SLC34A2: variants seen among roughly 807,000 people sequenced by gnomAD.
SLC34A2 encodes the protein sodium-dependent phosphate transport protein 2B.
A neutral mutation model predicts 50.8 loss-of-function variants in SLC34A2; 41 were observed. The observed-to-expected ratio is 0.81, with a 90% CI of 0.63 to 1.05. The LOEUF (loss-of-function observed/expected upper bound fraction) is 1.05, where lower values mean the gene tolerates loss of function less well. Among genes scored for constraint, SLC34A2 ranks in the 50% least tolerant of loss-of-function variants. The pLI is 0.00. For missense variants in SLC34A2, 879 were observed against 876.7 expected, an observed-to-expected ratio of 1.00 and a Z score of -0.03; for synonymous variants, 401 against 364.2, an observed-to-expected ratio of 1.10 and a Z score of -1.15.
rs1395053388 is a variant in SLC34A2 at position 25,676,729 on chromosome 4, AC to A, written c.2055del (p.Glu686AsnfsTer45). Reference sequence around the variant, plus strand: ...TGAGGTCCCTGCCTCGGACTCAAAGACCGAATGCACGGCCTTGTAGGGGACG... The same window carrying A: ...TGAGGTCCCTGCCTCGGACTCAAAGACGAATGCACGGCCTTGTAGGGGACG... ...QGEVPASDSKTECTAL is the reference protein window; with the variant it reads ...QGEVPASDSKXECTAL On this transcript the variant is annotated frameshift_variant, in exon 13 of 13. Transcript: ENST00000382051. LOFTEE classifies it high-confidence loss of function. 1 of 1,614,014 alleles carries A rather than the reference AC, an allele frequency of 6.2e-7. No homozygotes were observed. The highest frequency in any genetic ancestry group is 1.7e-5 in the Admixed American group (1 of 60,012).
intron 8 of SLC34A2, among the ~76,000 whole-genome samples, 197 bp downstream of exon 8, chr4:25,671,030 G>A (rs1181578993): frequency 2.6e-5 from 4 of 152,160 alleles, no homozygotes; most frequent in African/African-American, 9.7e-5. Flanking sequence ...TAAACAGTAG[G>A]ACAGACAGAC....
rs778542996 is a variant in SLC34A2 at position 25,667,928 on chromosome 4, G to A, written c.572G>A (p.Gly191Glu). Residue 191 changes from glycine to glutamate, a missense_variant, in exon 6 of 13, where the codon GGA (glycine) becomes GAA (glutamate). Coordinates refer to ENST00000382051, the MANE Select transcript of SLC34A2 (RefSeq NM_006424.3). ...CCCATTATCATGGGGGCCAACATTGGAACGTCAATCACCAACACTATTGTT... is the reference window on the plus strand; with the variant it reads ...CCCATTATCATGGGGGCCAACATTGAAACGTCAATCACCAACACTATTGTT... The part of the protein sequence containing the change: ...AIPIIMGANI[G>E]TSITNTIVAL... 3 of 1,614,076 alleles carry A rather than the reference G, an allele frequency of 1.9e-6. No individual in the cohort carries two copies. Among genetic ancestry groups the A allele is most frequent in the East Asian group, 2.2e-5 (1 of 44,886 alleles).
chr4:25,671,250 A>T (rs1345004695), intron 8 of SLC34A2, among the ~76,000 whole-genome samples: 1 of 152,138 alleles, frequency 6.6e-6, no homozygotes, highest in Non-Finnish European at 1.5e-5. Context: ...GGCCCAGAGC[A>T]TTCATGCCCT....
chr4:25,670,745 A>T lies in SLC34A2; in HGVS notation c.839A>T (p.Lys280Ile), dbSNP rs982150295. ...TGTCTACTGTTTCCACAGCTGGATAAAAAAGTTATCAGCCAAATTGCAATG... is the reference window on the plus strand; with the variant it reads ...TGTCTACTGTTTCCACAGCTGGATATAAAAGTTATCAGCCAAATTGCAATG... The part of the protein sequence containing the change: ...PFTKLIVQLD[K>I]KVISQIAMND... The change falls in exon 8 of 13, where the codon AAA (lysine) becomes ATA (isoleucine). Residue 280 changes from lysine to isoleucine, a missense_variant. Transcript: ENST00000382051. 5 of 1,613,604 alleles carry T rather than the reference A, an allele frequency of 3.1e-6. No homozygotes were observed. Among genetic ancestry groups the T allele is most frequent in the Non-Finnish European group, 4.2e-6 (5 of 1,179,540 alleles).
intron 9 of SLC34A2, 58 bp downstream of exon 9, chr4:25,671,779 TTATC>T: frequency 6.2e-7 from 1 of 1,612,960 alleles, no homozygotes; most frequent in Non-Finnish European, 8.5e-7. Context: ...GGTGACCTAT[TTATC>T]CGTGTGAAGT....
At chr4:25,667,251 C>G (rs1468519922) in intron 5 of SLC34A2, 1 of 154,276 alleles carries the variant, frequency 6.5e-6, no homozygotes, top group South Asian at 2.0e-4. Context: ...GTGGCTCACG[C>G]CTATAATCCC....
rs545884335 is a variant in SLC34A2 at position 25,667,781 on chromosome 4, G to A, written c.524-99G>A. The A allele has an allele frequency of 6.2e-5, 48 of 776,410 alleles. No individual in the cohort carries two copies. The African/African-American group carries it at 7.8e-4, about 13-fold the overall frequency. The allele number at this position is 776,410 out of a possible 1,614,324, so 48.1% of individuals were successfully genotyped here. On this transcript the variant is annotated intron_variant, in intron 5 of 12. Transcript: ENST00000382051. The stretch of plus-strand genomic sequence containing the variant: ...AGTTTAAGAATTCACTTGCATAGAG[G>A]ATAAAAACTACTTCTTTAGAGGATA...
rs939657012 is a variant in SLC34A2 at position 25,670,896 on chromosome 4, A to G, written c.927+63A>G. The G allele has an allele frequency of 1.7e-4, 228 of 1,327,570 alleles. No individual in the cohort carries two copies. The African/African-American group carries it at 2.3e-3, about 13-fold the overall frequency. The allele number at this position is 1,327,570 out of a possible 1,614,324, so 82.2% of individuals were successfully genotyped here. A position where few individuals can be genotyped will look rare whatever the true frequency, so the allele number is the denominator to read the frequency against. On this transcript the variant is annotated intron_variant, in intron 8 of 12. Transcript: ENST00000382051. Reference sequence around the variant, plus strand: ...CCTTTGCATCTGAACATGAAACTAAATCTTGCCTTCAAGGAAGGTAAATAG... The same window carrying G: ...CCTTTGCATCTGAACATGAAACTAAGTCTTGCCTTCAAGGAAGGTAAATAG...
Position 25,670,816 on chromosome 4 carries a change from A to T in SLC34A2, c.910A>T (p.Lys304Ter), listed in dbSNP as rs1197446411. The change falls in exon 8 of 13, where the codon AAA becomes TAA. Residue 304 changes from lysine (K) to a stop codon, truncating the protein, a stop_gained. Transcript: ENST00000382051. LOFTEE classifies it high-confidence loss of function. ...CAAGAGTCTTGTCAAGATTTGGTGCAAAACTTTTACCAACAAGGTACGTTT... is the reference window on the plus strand; with the variant it reads ...CAAGAGTCTTGTCAAGATTTGGTGCTAAACTTTTACCAACAAGGTACGTTT... ...KNKSLVKIWC[K>*]TFTNKTQINV... 1.2e-6 allele frequency: 2 copies of T among 1,613,806 alleles called. No individual in the cohort carries two copies. The highest frequency in any genetic ancestry group is 4.5e-5 in the East Asian group (2 of 44,890).
intron 5 of SLC34A2, 70 bp downstream of exon 5, chr4:25,666,341 C>A (rs139644852): frequency 6.4e-7 from 1 of 1,564,200 alleles, no homozygotes; most frequent in Non-Finnish European, 8.7e-7. Context: ...GTGGGAAGGA[C>A]GGGGGAGGAA....
chr4:25,658,357 C>T (rs115509346), intron 1 of SLC34A2, among the ~76,000 whole-genome samples: 3,221 of 152,310 alleles, frequency 0.021, 74 homozygotes, highest in Middle Eastern at 0.065. Context: ...TGTCCATGTT[C>T]TGGTTCCTCA....
chr4:25,668,961 G>T (rs200855282), intron 6 of SLC34A2, among the ~76,000 whole-genome samples: 1 of 147,362 alleles, frequency 6.8e-6, no homozygotes, highest in African/African-American at 2.5e-5. Context: ...CCAGAACAGA[G>T]TTTTTTAAAT....
Position 25,665,099 on chromosome 4 carries a change from T to A in SLC34A2, c.379+769T>A, listed in dbSNP as rs1341979561. 4.1e-5 allele frequency: 9 copies of A among 218,818 alleles called. 1 individual carries two copies. The Admixed American group carries it at 5.2e-4, about 13-fold the overall frequency. 13.6% of individuals were successfully genotyped at this position (218,818 alleles called of 1,614,324 possible). ...TTCTTGGGAACCCATCTGTGTGACT[T>A]GGGAGAGTTGGGGAGGTGGGCATTC... is the stretch of plus-strand genomic sequence containing the variant. On this transcript the variant is annotated intron_variant, in intron 4 of 12. Transcript: ENST00000382051.
intron 4 of SLC34A2, 95 bp downstream of exon 4, chr4:25,664,425 C>T: frequency 7.3e-7 from 1 of 1,365,198 alleles, no homozygotes; most frequent in Non-Finnish European, 1.0e-6. Context: ...CCAGCTGCAG[C>T]CTCCTGGAGT....
At position 25,664,916 on chromosome 4, in the gene SLC34A2, C is replaced by T. The variant is rs145893010; in HGVS notation, c.379+586C>T. 1.2e-3 allele frequency: 280 copies of T among 232,464 alleles called. 6 individuals are homozygous for T. The highest frequency in any genetic ancestry group is 5.5e-3 in the African/African-American group (251 of 45,340). 14.4% of individuals were successfully genotyped at this position (232,464 alleles called of 1,614,324 possible). A position where few individuals can be genotyped will look rare whatever the true frequency, so the allele number is the denominator to read the frequency against. On this transcript the variant is annotated intron_variant, in intron 4 of 12. Transcript: ENST00000382051. ...TCCGTCTACTGGGTGCAGGCATTTT[C>T]GGGGGCCCTCTATCAAACATTCTTT...
At chr4:25,674,259 C>G in intron 10 of SLC34A2, 37 bp from the exon 11 acceptor site, 1 of 1,553,678 alleles carries the variant, frequency 6.4e-7, no homozygotes, top group Non-Finnish European at 8.9e-7. Flanking sequence ...ATACCTTCCC[C>G]GGAGAGGCCA....
intron 1 of SLC34A2, among the ~76,000 whole-genome samples, chr4:25,661,048 A>G (rs920848167): frequency 6.6e-6 from 1 of 152,236 alleles, no homozygotes; most frequent in African/African-American, 2.4e-5. Flanking sequence ...AGATTGTAAG[A>G]AGGTCTTTTC....
Position 25,676,140 on chromosome 4 carries a change from C to T in SLC34A2, c.1464C>T (p.Ala488=), listed in dbSNP as rs1251837315. The change falls in exon 13 of 13, where the codon GCC becomes GCT. Residue 488 remains alanine, a synonymous_variant. Coordinates refer to ENST00000382051, the MANE Select transcript of SLC34A2 (RefSeq NM_006424.3). ...TCCAACCTCTTGTGTTGCAGATCGC[C>T]CTGTGCCACTTTTTCTTCAACATCT... is the stretch of plus-strand genomic sequence containing the variant. ...GNALRSSLQI[A]LCHFFFNISG... 3.1e-6 allele frequency: 5 copies of T among 1,614,072 alleles called. No individual in the cohort carries two copies. Among genetic ancestry groups the T allele is most frequent in the Admixed American group, 3.3e-5 (2 of 60,018 alleles).
At position 25,664,310 on chromosome 4, in the gene SLC34A2, G is replaced by T. The variant is rs752159311; in HGVS notation, c.359G>T (p.Ser120Ile). ...FFVCSLDILSSAFQLVGGKMA... is the reference protein window; with the variant it reads ...FFVCSLDILSIAFQLVGGKMA... ...GTGTGCTCCCTGGATATTCTTAGTA[G>T]CGCCTTCCAGCTGGTTGGAGGTAAG... The change falls in exon 4 of 13, where the codon AGC (serine) becomes ATC (isoleucine). Residue 120 changes from serine to isoleucine, a missense_variant. Physicochemically the swap from Ser to Ile is moderately radical, Grantham distance 142. Coordinates refer to ENST00000382051, the MANE Select transcript of SLC34A2 (RefSeq NM_006424.3). 1 of 1,613,874 alleles carries T rather than the reference G, an allele frequency of 6.2e-7. No homozygotes were observed. The highest frequency in any genetic ancestry group is 8.5e-7 in the Non-Finnish European group (1 of 1,179,942).
Sources: allele counts gnomAD v4.1 joint callset (sites outside exome capture counted in the v4.1 genomes callset), GRCh38; gene constraint gnomAD v4.1.1; transcripts MANE v1.5; gene names NCBI Gene and HGNC (gene_info 2026-07-23, HGNC 2026-07-21).